The following CHST8 variants were observed in gnomAD, a reference collection of about 807,000 sequenced individuals.
CHST8 encodes the protein GALNAC-4-ST1.
Under a neutral mutation model 15.0 loss-of-function variants are expected in CHST8, and 10 were observed. That is an observed-to-expected ratio of 0.67 (90% CI 0.41 to 1.13). The LOEUF is 1.13. Among genes scored for constraint, CHST8 ranks in the 50% most tolerant of loss-of-function variants. The pLI, the probability that CHST8 is intolerant of heterozygous loss-of-function variation, is 0.00. For missense variants in CHST8, 634 were observed against 608.2 expected (o/e 1.04, Z -0.45); for synonymous variants, 259 against 256.6 (o/e 1.01, Z -0.09).
intron 1 of CHST8, among the ~76,000 whole-genome samples, chr19:33,657,270 C>CA (rs1972522504): frequency 7.1e-6 from 1 of 140,460 alleles, no homozygotes; most frequent in Non-Finnish European, 1.6e-5. Context: ...CACACACACA[C>CA]TTTTTTTTTT....
chr19:33,630,932 C>T (rs1972114030), intron 1 of CHST8, among the ~76,000 whole-genome samples: 1 of 152,240 alleles, frequency 6.6e-6, no homozygotes, highest in South Asian at 2.1e-4. Flanking sequence ...TTTCCTGTGG[C>T]TGAGCTCAGC....
At chr19:33,642,415 C>G (rs937100695) in intron 1 of CHST8, among the ~76,000 whole-genome samples, 1 of 151,848 alleles carries the variant, frequency 6.6e-6, no homozygotes, top group Admixed American at 6.6e-5. Context: ...CAGGCTGGAG[C>G]GCAGTGGCAC....
At chr19:33,651,080 G>A (rs1460027360) in intron 1 of CHST8, among the ~76,000 whole-genome samples, 1 of 152,086 alleles carries the variant, frequency 6.6e-6, no homozygotes, top group Non-Finnish European at 1.5e-5. Flanking sequence ...GGTATCATTT[G>A]CAGTACAAAA....
At chr19:33,651,524 T>A (rs7250790) in intron 1 of CHST8, among the ~76,000 whole-genome samples, 1 of 152,198 alleles carries the variant, frequency 6.6e-6, no homozygotes, top group African/African-American at 2.4e-5. Context: ...TGGCTAATAT[T>A]GAGCCATTCT....
At chr19:33,749,164 G>A (rs114397476) in intron 3 of CHST8, among the ~76,000 whole-genome samples, 2,398 of 152,166 alleles carry the variant, frequency 0.016, 47 homozygotes, top group African/African-American at 0.047. Flanking sequence ...CACAGGTCCC[G>A]CCTTGCAGCC....
intron 1 of CHST8, among the ~76,000 whole-genome samples, chr19:33,643,793 G>A (rs1972314862): frequency 6.6e-6 from 1 of 152,016 alleles, no homozygotes; most frequent in South Asian, 2.1e-4. Context: ...TTATTATTTT[G>A]GATGTAGGGC....
chr19:33,756,831 C>T (rs1400024975), intron 3 of CHST8, among the ~76,000 whole-genome samples: 1 of 152,240 alleles, frequency 6.6e-6, no homozygotes, highest in African/African-American at 2.4e-5. Flanking sequence ...CCTCAGGAGT[C>T]TCTCCGCCCT....
At chr19:33,719,066 C>G (rs1328992968) in intron 3 of CHST8, among the ~76,000 whole-genome samples, 1 of 152,102 alleles carries the variant, frequency 6.6e-6, no homozygotes, top group Non-Finnish European at 1.5e-5. Flanking sequence ...TCCTCTCCCC[C>G]ACCCCCCTGC....
intron 3 of CHST8, among the ~76,000 whole-genome samples, chr19:33,724,955 C>G (rs1973866146): frequency 6.6e-6 from 1 of 152,214 alleles, no homozygotes; most frequent in African/African-American, 2.4e-5. Flanking sequence ...ATCGACCCAG[C>G]AGATGCTGGG....
At chr19:33,652,175 A>C (rs931145170) in intron 1 of CHST8, among the ~76,000 whole-genome samples, 2 of 151,950 alleles carry the variant, frequency 1.3e-5, no homozygotes, top group Non-Finnish European at 2.9e-5. Flanking sequence ...AAATCCCATC[A>C]ATGCTTTTTT....
chr19:33,717,761 T>C (rs1424281500), intron 3 of CHST8, among the ~76,000 whole-genome samples: 1 of 152,146 alleles, frequency 6.6e-6, no homozygotes, highest in Non-Finnish European at 1.5e-5. Flanking sequence ...TTGGGCCCAG[T>C]TGGTCTTAGC....
At position 33,771,448 on chromosome 19, in the gene CHST8, C is replaced by T. The variant is rs911672852; in HGVS notation, c.166C>T (p.His56Tyr). 2 of 1,613,968 alleles carry T rather than the reference C, an allele frequency of 1.2e-6. No individual in the cohort carries two copies. Among genetic ancestry groups the T allele is most frequent in the African/African-American group, 1.3e-5 (1 of 74,934 alleles). ...CAACATCAGGCCAAGGCAGCCCCAC[C>T]ACGTAAGTTCTGAGAGTCAGATAAA... ...KFNIRPRQPH[H>Y]DLPPGGSQDG... is the part of the protein sequence containing the mutation. Residue 56 changes from histidine (H) to tyrosine (Y), a missense_variant and splice_region_variant, in exon 4 of 5, where the codon CAC becomes TAC. By Grantham distance (83) the His-to-Tyr change is moderately conservative (BLOSUM62 2). Transcript: ENST00000650847.
chr19:33,666,712 T>G (rs1972666516), intron 1 of CHST8, among the ~76,000 whole-genome samples: 1 of 152,192 alleles, frequency 6.6e-6, no homozygotes, highest in Admixed American at 6.5e-5. Flanking sequence ...CTTTCTTTCT[T>G]TCTTTTTTGA....
At chr19:33,627,063 T>A (rs930047747) in intron 1 of CHST8, among the ~76,000 whole-genome samples, 1 of 130,404 alleles carries the variant, frequency 7.7e-6, no homozygotes, top group African/African-American at 2.9e-5. Flanking sequence ...GTGCTGGGAT[T>A]GCAGATGTGA....
At chr19:33,654,410 G>A (rs1287780361) in intron 1 of CHST8, among the ~76,000 whole-genome samples, 1 of 151,902 alleles carries the variant, frequency 6.6e-6, no homozygotes, top group Non-Finnish European at 1.5e-5. Flanking sequence ...TATAATTTCT[G>A]TGCAATATTC....
rs149073827 is a variant in CHST8, at chr19:33,711,984, G to A, written c.130+22593G>A. On this transcript the variant is annotated intron_variant, in intron 3 of 4. Transcript: ENST00000650847. ...CTAATTTTGCCAGTGTGTAAGGACA[G>A]CGACAACGTGGAAGTTTAGACAGGA... 1.5e-3 allele frequency among the ~76,000 whole-genome samples: 224 copies of A among 152,276 alleles called. 1 individual carries two copies. The highest frequency in any genetic ancestry group is 5.2e-3 in the African/African-American group (218 of 41,548).
intron 3 of CHST8, among the ~76,000 whole-genome samples, chr19:33,739,151 A>G (rs1409786277): frequency 1.3e-4 from 20 of 152,182 alleles, no homozygotes; most frequent in Admixed American, 1.3e-3. Context: ...AGGAAAATGA[A>G]AGTTCTGGGA....
intron 3 of CHST8, among the ~76,000 whole-genome samples, chr19:33,768,742 C>T (rs1044211007): frequency 6.6e-6 from 1 of 152,152 alleles, no homozygotes; most frequent in African/African-American, 2.4e-5. Context: ...CATGAGCCAC[C>T]GTGCCCGGCA....
At chr19:33,658,551 G>T (rs1972542485) in intron 1 of CHST8, among the ~76,000 whole-genome samples, 1 of 152,116 alleles carries the variant, frequency 6.6e-6, no homozygotes, top group African/African-American at 2.4e-5. Flanking sequence ...AATTGAGTAG[G>T]ATGACCTTTA....
Sources: gnomAD v4.1 joint callset for allele counts (sites outside exome capture counted in the v4.1 genomes callset) on GRCh38, gnomAD v4.1.1 for gene constraint, MANE v1.5 for transcripts, NCBI Gene and HGNC (gene_info 2026-07-23, HGNC 2026-07-21) for gene names.